Variants in DGLUCY observed in about 807,000 individuals in gnomAD.
DGLUCY encodes D-glutamate cyclase, mitochondrial.
In DGLUCY, 58 loss-of-function variants were observed where a neutral mutation model predicts 58.5. The ratio of observed to expected loss-of-function variants is 0.99; its 90% CI spans 0.80 to 1.23. The LOEUF (loss-of-function observed/expected upper bound fraction) is 1.23. DGLUCY is among the 50% of genes most tolerant of loss of function. DGLUCY has a pLI of 0.00. For missense variants in DGLUCY, 779 were observed against 784.7 expected, an observed-to-expected ratio of 0.99 and a Z score of 0.09; for synonymous variants, 325 against 314.1, an observed-to-expected ratio of 1.03 and a Z score of -0.37.
chr14:91,140,048 C>A lies in DGLUCY; in HGVS notation c.-81-17591C>A, dbSNP rs1279540211. On this transcript the variant is annotated intron_variant, in intron 1 of 13. Transcript: ENST00000256324. ...AGTAACTACCTGCAGAGATCTTTAA[C>A]CTTTTATGTGTAGCTATCTGCTTAG... 2.6e-5 allele frequency among the ~76,000 whole-genome samples: 4 copies of A among 152,298 alleles called. No homozygotes were observed. In the East Asian group the frequency reaches 7.7e-4, roughly 29 times the overall value.
At chr14:91,073,684 T>C (rs1184356584) in intron 1 of DGLUCY, among the ~76,000 whole-genome samples, 1 of 151,870 alleles carries the variant, frequency 6.6e-6, no homozygotes, top group Non-Finnish European at 1.5e-5. Flanking sequence ...GGGGACCAAG[T>C]GGAAAGGCCC....
intron 8 of DGLUCY, among the ~76,000 whole-genome samples, chr14:91,183,177 G>A (rs562036861): frequency 1.3e-5 from 2 of 151,882 alleles, no homozygotes; most frequent in African/African-American, 4.8e-5. Flanking sequence ...TGTATTTTTA[G>A]TAGAGACGGG....
chr14:91,185,785 C>G (rs778698140), intron 8 of DGLUCY, among the ~76,000 whole-genome samples: 4 of 151,616 alleles, frequency 2.6e-5, no homozygotes, highest in Non-Finnish European at 5.9e-5. Context: ...GCTAAGAGGT[C>G]AGCCACAAAC....
intron 3 of DGLUCY, among the ~76,000 whole-genome samples, chr14:91,161,650 A>G (rs955087501): frequency 6.6e-6 from 1 of 152,146 alleles, no homozygotes; most frequent in Non-Finnish European, 1.5e-5. Context: ...GCCCAAACGC[A>G]TACCAAGCTT....
At chr14:91,063,103 A>C (rs2043760015) in intron 1 of DGLUCY, among the ~76,000 whole-genome samples, 1 of 152,174 alleles carries the variant, frequency 6.6e-6, no homozygotes, top group Non-Finnish European at 1.5e-5. Context: ...AGGGATGCCT[A>C]ATTTAAGTTG....
At chr14:91,151,893 T>C (rs1236719322) in intron 1 of DGLUCY, among the ~76,000 whole-genome samples, 2 of 152,048 alleles carry the variant, frequency 1.3e-5, no homozygotes, top group Admixed American at 6.5e-5. Context: ...GGCCTCGGCC[T>C]CCCAAAGTGC....
At chr14:91,072,905 A>T (rs1034334363) in intron 1 of DGLUCY, among the ~76,000 whole-genome samples, 2 of 152,082 alleles carry the variant, frequency 1.3e-5, no homozygotes, top group African/African-American at 4.8e-5. Context: ...GCTACTCGGG[A>T]GGCTGAGGCA....
intron 13 of DGLUCY, among the ~76,000 whole-genome samples, chr14:91,222,308 C>T (rs1887636736): frequency 6.6e-6 from 1 of 152,170 alleles, no homozygotes; most frequent in Non-Finnish European, 1.5e-5. Flanking sequence ...ATTGCGTGCA[C>T]CCTGAGGACC....
At chr14:91,191,813 G>A (rs1472190531) in intron 9 of DGLUCY, among the ~76,000 whole-genome samples, 1 of 152,158 alleles carries the variant, frequency 6.6e-6, no homozygotes, top group Non-Finnish European at 1.5e-5. Context: ...TAAGGTTTTT[G>A]TCCTGGTAAC....
At position 91,062,595 on chromosome 14, in the gene DGLUCY, ATATATATATATATAT is replaced by A. The variant is rs1330803938; in HGVS notation, c.-82+1892_-82+1906del. On this transcript the variant is annotated intron_variant, in intron 1 of 4. Coordinates refer to the DGLUCY transcript ENST00000521334. ...TATATATATATATATATATATATAT[ATATATATATATATAT>A]AAACAATCCTTAGCTCAAGGGCAGT... 8.5e-4 allele frequency among the ~76,000 whole-genome samples: 25 copies of A among 29,274 alleles called. 1 individual carries two copies. The highest frequency in any genetic ancestry group is 1.6e-3 in the Non-Finnish European group (23 of 14,296). 19.2% of individuals were successfully genotyped at this position (29,274 alleles called of 152,430 possible).
intron 1 of DGLUCY, among the ~76,000 whole-genome samples, chr14:91,154,860 C>T (rs978074930): frequency 3.3e-5 from 5 of 152,212 alleles, no homozygotes; most frequent in Non-Finnish European, 7.3e-5. Context: ...AATTTCTTCA[C>T]ATGACAGGTG....
chr14:91,061,167 C>G (rs1372144322), intron 1 of DGLUCY, among the ~76,000 whole-genome samples: 1 of 152,222 alleles, frequency 6.6e-6, no homozygotes, highest in East Asian at 1.9e-4. Flanking sequence ...CCTAAGGGTC[C>G]CGGCAGCGAT....
chr14:91,197,984 A>G (rs957122453), intron 10 of DGLUCY, among the ~76,000 whole-genome samples: 2 of 152,186 alleles, frequency 1.3e-5, no homozygotes, highest in African/African-American at 4.8e-5. Flanking sequence ...TATATAGCAG[A>G]GTTGAGATTT....
upstream of DGLUCY, among the ~76,000 whole-genome samples, chr14:91,104,351 C>A (rs992596478): frequency 6.6e-6 from 1 of 151,992 alleles, no homozygotes; most frequent in Non-Finnish European, 1.5e-5. Flanking sequence ...CGTGAGCCAC[C>A]GCGCCCGGCC....
intron 6 of DGLUCY, 62 bp downstream of exon 6, chr14:91,173,501 C>T (rs1463359780): frequency 6.7e-7 from 1 of 1,495,350 alleles, no homozygotes; most frequent in Non-Finnish European, 8.9e-7. Flanking sequence ...AGGTCAGTGT[C>T]TCTCGCTCCT....
At chr14:91,211,723 CTA>C (rs1418356970) in intron 12 of DGLUCY, among the ~76,000 whole-genome samples, 1 of 152,172 alleles carries the variant, frequency 6.6e-6, no homozygotes, top group Non-Finnish European at 1.5e-5. Flanking sequence ...AAACACAAAA[CTA>C]TAAAACTCCT....
At chr14:91,162,148 G>A (rs1398517123) in intron 3 of DGLUCY, among the ~76,000 whole-genome samples, 6 of 152,160 alleles carry the variant, frequency 3.9e-5, no homozygotes, top group African/African-American at 1.2e-4. Flanking sequence ...AGGGGCACCT[G>A]AGCTGTTCCC....
At chr14:91,100,302 AGAG>A (rs1308251518) in intron 1 of DGLUCY, among the ~76,000 whole-genome samples, 2 of 152,128 alleles carry the variant, frequency 1.3e-5, no homozygotes, top group African/African-American at 4.8e-5. Context: ...GGTGTTCAGA[AGAG>A]GAGGAAGAGA....
chr14:91,134,043 T>C (rs1004516603), intron 1 of DGLUCY, among the ~76,000 whole-genome samples: 5 of 152,180 alleles, frequency 3.3e-5, no homozygotes, highest in Admixed American at 2.6e-4. Context: ...TTAATTACCA[T>C]AGTTTTCTGT....
Sources: gnomAD v4.1 joint callset for allele counts (sites outside exome capture counted in the v4.1 genomes callset) on GRCh38, gnomAD v4.1.1 for gene constraint, MANE v1.5 for transcripts, NCBI Gene and HGNC (gene_info 2026-07-23, HGNC 2026-07-21) for gene names.